Variants in PTPRE observed in about 807,000 individuals in gnomAD.
PTPRE encodes protein tyrosine phosphatase receptor type E, also known as receptor-type tyrosine-protein phosphatase epsilon.
PTPRE carries 51 observed loss-of-function variants against 102.0 expected under a neutral mutation model. The observed-to-expected ratio is 0.50, with a 90% confidence interval of 0.40 to 0.63. PTPRE has a LOEUF of 0.63. Among genes scored for constraint, PTPRE ranks in the 30% least tolerant of loss-of-function variants. PTPRE has a pLI of 0.00. For synonymous variants in PTPRE, 345 were observed against 348.2 expected (o/e 0.99, Z 0.10); for missense variants, 752 against 915.1 (o/e 0.82, Z 2.30).
At chr10:127,962,707 G>A (rs1336781633) in intron 1 of PTPRE, among the ~76,000 whole-genome samples, 1 of 152,230 alleles carries the variant, frequency 6.6e-6, no homozygotes, top group African/African-American at 2.4e-5. Context: ...GACATCAGCA[G>A]TGTCTGGAGA....
rs1361846554 is a variant in PTPRE at position 127,969,603 on chromosome 10, G to A, written c.-30-12671G>A. Among the ~76,000 whole-genome samples the A allele has an allele frequency of 6.6e-5, 10 of 150,638 alleles. 1 individual carries two copies. The highest frequency in any genetic ancestry group is 2.2e-4 in the African/African-American group (9 of 41,124). ...GAATTGCTTGAACTTGGGAGGCAGA[G>A]GTTGCAATGAGCTGAGATTGGGCCA... On this transcript the variant is annotated intron_variant, in intron 1 of 20. Coordinates refer to ENST00000254667, the MANE Select transcript of PTPRE (RefSeq NM_006504.6).
chr10:127,993,319 T>C (rs946599060), intron 2 of PTPRE, among the ~76,000 whole-genome samples: 5 of 152,254 alleles, frequency 3.3e-5, no homozygotes, highest in African/African-American at 1.2e-4. Flanking sequence ...GTGCATGTTT[T>C]CTCTAACTCC....
chr10:128,003,945 G>A (rs4750929), intron 2 of PTPRE, among the ~76,000 whole-genome samples: 11,726 of 150,640 alleles, frequency 0.078, 646 homozygotes, highest in South Asian at 0.13. Context: ...ACCCCAGCGC[G>A]TCTGCCAGGA....
intron 2 of PTPRE, among the ~76,000 whole-genome samples, chr10:128,023,134 G>A (rs547153246): frequency 1.6e-4 from 25 of 152,108 alleles, no homozygotes; most frequent in Non-Finnish European, 2.8e-4. Context: ...CCACATTCAC[G>A]TGACTTCCAT....
intron 1 of PTPRE, among the ~76,000 whole-genome samples, chr10:127,975,900 C>A (rs887020548): frequency 1.3e-5 from 2 of 152,050 alleles, no homozygotes; most frequent in African/African-American, 4.8e-5. Context: ...GGCAAGCTAC[C>A]CTATATCTCT....
rs763478158 is a variant in PTPRE at position 128,069,798 on chromosome 10, A to G, written c.1114A>G (p.Asn372Asp). 2.0e-5 allele frequency: 32 copies of G among 1,614,076 alleles called. No homozygotes were observed. Among genetic ancestry groups the G allele is most frequent in the Non-Finnish European group, 2.6e-5 (31 of 1,180,040 alleles). Reference sequence around the variant, plus strand: ...GTTTGAATTTGTGTCTCGAATCCGTAATCAGCGCCCTCAGATGGTTCAAAC... The same window carrying G: ...GTTTGAATTTGTGTCTCGAATCCGTGATCAGCGCCCTCAGATGGTTCAAAC... Reference protein sequence around the residue: ...DVFEFVSRIRNQRPQMVQTDM... With the variant: ...DVFEFVSRIRDQRPQMVQTDM... Residue 372 changes from asparagine to aspartate, a missense_variant, in exon 13 of 21, where the codon AAT (asparagine) becomes GAT (aspartate). By Grantham distance (23) the Asn-to-Asp change is conservative. Around this residue, in one of 2 missense-constraint regions of PTPRE, gnomAD observed 636 missense variants for 824.4 expected, o/e 0.77. Coordinates refer to ENST00000254667, the MANE Select transcript of PTPRE (RefSeq NM_006504.6).
chr10:127,916,703 T>C (rs1846232058), intron 1 of PTPRE, among the ~76,000 whole-genome samples: 1 of 152,024 alleles, frequency 6.6e-6, no homozygotes, highest in Non-Finnish European at 1.5e-5. Flanking sequence ...ACAGAGGGGA[T>C]GGGACAAAAA....
chr10:128,062,686 C>T (rs1209126126), intron 9 of PTPRE, among the ~76,000 whole-genome samples: 1 of 152,200 alleles, frequency 6.6e-6, no homozygotes, highest in African/African-American at 2.4e-5. Context: ...TTGGACAGCA[C>T]CATGCTGAGA....
At chr10:127,962,315 C>A (rs539889677) in intron 1 of PTPRE, among the ~76,000 whole-genome samples, 1 of 152,306 alleles carries the variant, frequency 6.6e-6, no homozygotes, top group South Asian at 2.1e-4. Context: ...GCGGCACATG[C>A]CAGGCCACGG....
At chr10:127,946,636 G>T (rs1311976462) in intron 1 of PTPRE, among the ~76,000 whole-genome samples, 1 of 152,208 alleles carries the variant, frequency 6.6e-6, no homozygotes, top group Non-Finnish European at 1.5e-5. Context: ...CTGTAATTGT[G>T]GGTACAGGGA....
chr10:127,962,930 G>T (rs2135395429), intron 1 of PTPRE, among the ~76,000 whole-genome samples: 1 of 152,322 alleles, frequency 6.6e-6, no homozygotes, highest in East Asian at 1.9e-4. Context: ...AGAGAGGAGA[G>T]CTGGGCTGGG....
In PTPRE at chr10:128,084,278, G is replaced by A. The variant is rs1271030458; in HGVS notation, c.*1372G>A. ...TATCTGGCCTACCTTACTACTAAAA[G>A]CATTTAACACGTGCATTTTTGGTAC... On this transcript the variant is annotated 3_prime_UTR_variant, in exon 21 of 21. Transcript: ENST00000254667. The A allele has an allele frequency of 6.7e-6, 1 of 149,388 alleles. No individual in the cohort carries two copies. Among genetic ancestry groups the A allele is most frequent in the Non-Finnish European group, 1.5e-5 (1 of 67,602 alleles). 9.3% of individuals were successfully genotyped at this position (149,388 alleles called of 1,614,324 possible). A position where few individuals can be genotyped will look rare whatever the true frequency, so the allele number is the denominator to read the frequency against.
chr10:128,002,693 T>C, intron 2 of PTPRE, among the ~76,000 whole-genome samples: 1 of 60,942 alleles, frequency 1.6e-5, no homozygotes, highest in Non-Finnish European at 3.6e-5. Context: ...CTTTTTTTTT[T>C]TTTTTTTTTT....
intron 1 of PTPRE, among the ~76,000 whole-genome samples, chr10:127,928,861 A>G (rs1336670591): frequency 6.6e-6 from 1 of 152,212 alleles, no homozygotes; most frequent in African/African-American, 2.4e-5. Context: ...AACACTGACA[A>G]CATGTCAGAC....
At position 128,006,880 on chromosome 10, in the gene PTPRE, C is replaced by T. The variant is rs146642931; in HGVS notation, c.-8+24584C>T. Among the ~76,000 whole-genome samples the T allele has an allele frequency of 1.6e-3, 244 of 152,292 alleles. 2 individuals are homozygous for T. Among genetic ancestry groups the T allele is most frequent in the African/African-American group, 5.6e-3 (234 of 41,550 alleles). On this transcript the variant is annotated intron_variant, in intron 2 of 20. Coordinates refer to ENST00000254667, the MANE Select transcript of PTPRE (RefSeq NM_006504.6). ...CCTCCTTCCAACCTCCCCATTGTCA[C>T]TGAATTTCAAATAAAATGATACTCT...
At chr10:128,014,177 C>G (rs939011337) in intron 2 of PTPRE, among the ~76,000 whole-genome samples, 1 of 152,158 alleles carries the variant, frequency 6.6e-6, no homozygotes, top group Non-Finnish European at 1.5e-5. Context: ...TTGGCAGGGA[C>G]CCCAGCTCCA....
At chr10:127,939,762 G>A (rs1310104747) in intron 1 of PTPRE, among the ~76,000 whole-genome samples, 5 of 152,018 alleles carry the variant, frequency 3.3e-5, no homozygotes, top group Admixed American at 2.0e-4. Context: ...AGAGGCAGGA[G>A]GAGGCAGGTG....
intron 2 of PTPRE, among the ~76,000 whole-genome samples, chr10:128,029,413 C>T (rs764016336): frequency 6.6e-5 from 10 of 152,190 alleles, no homozygotes; most frequent in Non-Finnish European, 1.3e-4. Flanking sequence ...CCAGAAGAGT[C>T]GCCAGCCCAT....
intron 1 of PTPRE, among the ~76,000 whole-genome samples, chr10:127,926,642 C>T (rs140734330): frequency 6.9e-4 from 105 of 151,986 alleles, no homozygotes; most frequent in African/African-American, 2.2e-3. Context: ...CCAGGTCTAG[C>T]GACGGGCTCT....
Sources: allele counts gnomAD v4.1 joint callset (sites outside exome capture counted in the v4.1 genomes callset), GRCh38; gene constraint gnomAD v4.1.1; regional missense constraint gnomAD v4.1.1; transcripts MANE v1.5; gene names NCBI Gene and HGNC (gene_info 2026-07-23, HGNC 2026-07-21).